Variants in MEMO1 observed in about 807,000 individuals in gnomAD.
MEMO1 encodes the protein protein MEMO1.
In MEMO1, 6 loss-of-function variants were observed where a neutral mutation model predicts 45.2. The ratio of observed to expected loss-of-function variants is 0.13; its 90% CI spans 0.07 to 0.26. The LOEUF is 0.26. MEMO1 is among the 10% of genes least tolerant of loss of function. The pLI is 1.00. For synonymous variants in MEMO1, 78 were observed against 124.3 expected (o/e 0.63, Z 2.48); for missense variants, 184 against 370.5 (o/e 0.50, Z 4.13).
chr2:31,967,432 G>T (rs942726348), intron 2 of MEMO1, among the ~76,000 whole-genome samples: 2 of 152,016 alleles, frequency 1.3e-5, no homozygotes, highest in African/African-American at 4.8e-5. Flanking sequence ...CCAATAGTCA[G>T]TAACTATTTT....
chr2:31,963,916 A>T (rs35397112), intron 2 of MEMO1, among the ~76,000 whole-genome samples: 14,646 of 152,276 alleles, frequency 0.096, 768 homozygotes, highest in Middle Eastern at 0.19. Context: ...ATTCATACCA[A>T]AAAAAGAATG....
At chr2:31,999,057 CCTTT>C (rs1221056573) in intron 2 of MEMO1, among the ~76,000 whole-genome samples, 4 of 152,180 alleles carry the variant, frequency 2.6e-5, no homozygotes, top group South Asian at 2.1e-4. Flanking sequence ...AACCATGACT[CCTTT>C]CTTTCTTTCG....
At chr2:31,956,493 C>T (rs1292205919) in intron 2 of MEMO1, among the ~76,000 whole-genome samples, 2 of 152,226 alleles carry the variant, frequency 1.3e-5, no homozygotes, top group Admixed American at 1.3e-4. Context: ...CTTTCACTCA[C>T]AGTTTGATCA....
chr2:31,910,341 G>C (rs1183022797), intron 6 of MEMO1, among the ~76,000 whole-genome samples: 1 of 152,102 alleles, frequency 6.6e-6, no homozygotes, highest in Non-Finnish European at 1.5e-5. Context: ...GTACATTAGA[G>C]AAAGAACAAA....
At chr2:31,935,865 C>T (rs939496638) in intron 3 of MEMO1, among the ~76,000 whole-genome samples, 1 of 152,104 alleles carries the variant, frequency 6.6e-6, no homozygotes, top group Non-Finnish European at 1.5e-5. Context: ...TTCTTTTGTG[C>T]ATAACAGCCA....
chr2:31,900,599 G>A (rs1401161113), intron 6 of MEMO1, among the ~76,000 whole-genome samples: 1 of 151,984 alleles, frequency 6.6e-6, no homozygotes, highest in Non-Finnish European at 1.5e-5. Context: ...GCTGATGGGT[G>A]CAGCAAACCA....
At chr2:31,962,016 T>TA (rs35956056) in intron 2 of MEMO1, among the ~76,000 whole-genome samples, 19,187 of 147,004 alleles carry the variant, frequency 0.13, 1,250 homozygotes, top group Middle Eastern at 0.21. Flanking sequence ...TCCTTTTCTG[T>TA]AAAAAAAAAA....
chr2:32,000,642 A>G (rs1673183414), intron 2 of MEMO1, among the ~76,000 whole-genome samples: 1 of 152,192 alleles, frequency 6.6e-6, no homozygotes, highest in Non-Finnish European at 1.5e-5. Flanking sequence ...CAGGGATTAC[A>G]AGCGTGAGCC....
At chr2:31,868,710 T>A (rs1673222577) in intron 9 of MEMO1, among the ~76,000 whole-genome samples, 1 of 152,216 alleles carries the variant, frequency 6.6e-6, no homozygotes, top group Non-Finnish European at 1.5e-5. Flanking sequence ...TTTTGATAAT[T>A]AAGTATCAGT....
At chr2:31,905,587 G>C (rs577507982) in intron 6 of MEMO1, among the ~76,000 whole-genome samples, 45 of 152,160 alleles carry the variant, frequency 3.0e-4, no homozygotes, top group Non-Finnish European at 4.9e-4. Flanking sequence ...CAAGTTTGCT[G>C]TCAGAATCAT....
chr2:31,995,480 G>A (rs1672478110), intron 2 of MEMO1, among the ~76,000 whole-genome samples: 1 of 151,746 alleles, frequency 6.6e-6, no homozygotes, highest in African/African-American at 2.4e-5. Context: ...ACAATCAAAT[G>A]GAATATAGAG....
chr2:31,886,629 T>C (rs573663437), intron 7 of MEMO1, among the ~76,000 whole-genome samples: 1 of 152,244 alleles, frequency 6.6e-6, no homozygotes, highest in South Asian at 2.1e-4. Context: ...CAAGAGCAAA[T>C]ATATTTTATT....
chr2:31,868,215 C>T lies in MEMO1; in HGVS notation c.*146G>A. On this transcript the variant is annotated 3_prime_UTR_variant, in exon 10 of 10. Transcript: ENST00000404530. ...GAGTTGAAATTAAGGAAGGACTACA[C>T]CTACTAGAAAAAAAGAGAAGAAAGT... 3 of 664,338 alleles carry T rather than the reference C, an allele frequency of 4.5e-6. No individual in the cohort carries two copies. Among genetic ancestry groups the T allele is most frequent in the Non-Finnish European group, 2.2e-6 (1 of 455,648 alleles). 41.2% of individuals were successfully genotyped at this position (664,338 alleles called of 1,614,324 possible).
intron 2 of MEMO1, among the ~76,000 whole-genome samples, chr2:31,987,706 T>C (rs1671438595): frequency 6.6e-6 from 1 of 152,138 alleles, no homozygotes; most frequent in South Asian, 2.1e-4. Flanking sequence ...GAGCAATAAA[T>C]ACAAAAATGA....
At position 31,920,856 on chromosome 2, in the gene MEMO1, T is replaced by C; in HGVS notation, c.267A>G (p.Ala89=). Residue 89 remains alanine (A), a synonymous_variant, in exon 5 of 10, where the codon GCA becomes GCG. Transcript: ENST00000404530. ...TCCTATATATATCCACACTGGAAAGTGCACATCGAGAGAGGGGCACATGAT... is the reference window on the plus strand; with the variant it reads ...TCCTATATATATCCACACTGGAAAGCGCACATCGAGAGAGGGGCACATGAT... ...PSHHVPLSRC[A]LSSVDIYRTP... is the part of the protein sequence containing the mutation. 1.9e-6 allele frequency: 3 copies of C among 1,612,372 alleles called. 1 individual carries two copies. The highest frequency in any genetic ancestry group is 4.5e-5 in the East Asian group (2 of 44,814).
intron 2 of MEMO1, among the ~76,000 whole-genome samples, chr2:32,007,686 C>G (rs954333151): frequency 2.0e-5 from 3 of 152,180 alleles, no homozygotes; most frequent in Admixed American, 1.3e-4. Flanking sequence ...AAACACCTCT[C>G]CATCTCCTAT....
At chr2:31,995,794 C>A (rs904673873) in intron 2 of MEMO1, among the ~76,000 whole-genome samples, 3 of 151,832 alleles carry the variant, frequency 2.0e-5, no homozygotes, top group Admixed American at 6.6e-5. Flanking sequence ...TCACAGTAAG[C>A]CCCAAGGGAT....
chr2:31,992,892 A>T (rs1188061621), intron 2 of MEMO1, among the ~76,000 whole-genome samples: 3 of 152,210 alleles, frequency 2.0e-5, no homozygotes, highest in South Asian at 2.1e-4. Context: ...AAATATAAGC[A>T]ATTGGAAGAA....
In MEMO1 at chr2:31,977,816, G is replaced by T. The variant is rs371841010; in HGVS notation, c.61+32371C>A. ...TGGGATTACAGGCATGAGCCACCAT[G>T]CCCAGCATACCCTTACTTTTATTTT... On this transcript the variant is annotated intron_variant, in intron 2 of 9. Transcript: ENST00000404530. Among the ~76,000 whole-genome samples the T allele has an allele frequency of 7.9e-5, 12 of 152,192 alleles. No individual in the cohort carries two copies. The East Asian group carries it at 1.9e-3, about 25-fold the overall frequency.
Sources: gnomAD v4.1 joint callset for allele counts (sites outside exome capture counted in the v4.1 genomes callset) on GRCh38, gnomAD v4.1.1 for gene constraint, MANE v1.5 for transcripts, NCBI Gene and HGNC (gene_info 2026-07-23, HGNC 2026-07-21) for gene names.